Variants in RBFOX1 observed in about 807,000 individuals in gnomAD.
The protein encoded by RBFOX1 is RNA binding fox-1 homolog 1.
In RBFOX1, 8 loss-of-function variants were observed where a neutral mutation model predicts 57.7. The ratio of observed to expected loss-of-function variants is 0.14; its 90% CI spans 0.08 to 0.25. The LOEUF (loss-of-function observed/expected upper bound fraction) is 0.25, where lower values mean the gene tolerates loss of function less well. Among genes scored for constraint, RBFOX1 ranks in the 10% least tolerant of loss-of-function variants. The pLI, the probability that RBFOX1 is intolerant of heterozygous loss-of-function variation, is 1.00. For missense variants in RBFOX1, 611 were observed against 548.5 expected, an observed-to-expected ratio of 1.11 and a Z score of -1.14; for synonymous variants, 326 against 222.4, an observed-to-expected ratio of 1.47 and a Z score of -4.15.
At chr16:6,732,413 C>T (rs966166362) in intron 3 of RBFOX1, among the ~76,000 whole-genome samples, 1 of 152,210 alleles carries the variant, frequency 6.6e-6, no homozygotes, top group Non-Finnish European at 1.5e-5. Context: ...CTCTCTGGCC[C>T]AAGCACCTGC....
intron 3 of RBFOX1, among the ~76,000 whole-genome samples, chr16:5,816,229 C>G (rs534199000): frequency 1.8e-4 from 28 of 152,322 alleles, no homozygotes; most frequent in Middle Eastern, 3.4e-3. Context: ...ATTTCAGAAG[C>G]AGGCGGAATA....
intron 3 of RBFOX1, among the ~76,000 whole-genome samples, chr16:6,658,936 G>GTTTTTTTGTTTTTTTTTTTTTTTTTTTT (rs775736061): frequency 9.2e-6 from 1 of 108,486 alleles, no homozygotes; most frequent in Admixed American, 9.8e-5. Context: ...TGGTTTTTTT[G>GTTTTTTTGTTTTTTTTTTTTTTTTTTTT]TTTTTTTTGT....
chr16:7,440,062 C>G (rs1029970048), intron 4 of RBFOX1, among the ~76,000 whole-genome samples: 6 of 151,494 alleles, frequency 4.0e-5, no homozygotes, highest in African/African-American at 1.5e-4. Flanking sequence ...GGTGATCCTC[C>G]CACCTCAGCC....
intron 1 of RBFOX1, among the ~76,000 whole-genome samples, chr16:6,272,995 C>T (rs936182387): frequency 8.5e-5 from 13 of 152,174 alleles, no homozygotes; most frequent in Non-Finnish European, 1.9e-4. Context: ...TACATTGGCT[C>T]ATGCCTGTAA....
chr16:5,768,395 T>C (rs990108863), intron 3 of RBFOX1, among the ~76,000 whole-genome samples: 1 of 152,176 alleles, frequency 6.6e-6, no homozygotes, highest in Non-Finnish European at 1.5e-5. Flanking sequence ...TATTAGAAAG[T>C]CTGGTTTCAA....
chr16:7,647,547 A>G (rs908044185), intron 11 of RBFOX1, among the ~76,000 whole-genome samples: 2 of 93,934 alleles, frequency 2.1e-5, no homozygotes, highest in Admixed American at 1.1e-4. Context: ...TTGAACTAGG[A>G]AAAAAAAAAA....
intron 3 of RBFOX1, among the ~76,000 whole-genome samples, chr16:6,789,448 G>C (rs374285203): frequency 4.6e-5 from 7 of 152,136 alleles, no homozygotes; most frequent in Non-Finnish European, 8.8e-5. Flanking sequence ...GAAGGCGAGA[G>C]AAACACTAAT....
intron 3 of RBFOX1, among the ~76,000 whole-genome samples, chr16:7,032,085 G>C (rs540807327): frequency 6.6e-6 from 1 of 152,192 alleles, no homozygotes; most frequent in East Asian, 1.9e-4. Flanking sequence ...TCGGATGGCC[G>C]TAGTGTCCCC....
intron 2 of RBFOX1, among the ~76,000 whole-genome samples, chr16:5,484,933 C>A (rs983255072): frequency 1.3e-5 from 2 of 151,822 alleles, no homozygotes; most frequent in African/African-American, 4.8e-5. Flanking sequence ...GTGGCACACA[C>A]CTGTAGTCTC....
At chr16:6,552,360 T>C (rs954142446) in intron 2 of RBFOX1, among the ~76,000 whole-genome samples, 1 of 152,086 alleles carries the variant, frequency 6.6e-6, no homozygotes, top group Admixed American at 6.6e-5. Flanking sequence ...AGACTCAGGG[T>C]GAAATTGCTG....
chr16:7,137,627 G>A (rs1347649195), intron 4 of RBFOX1, among the ~76,000 whole-genome samples: 1 of 152,098 alleles, frequency 6.6e-6, no homozygotes, highest in Non-Finnish European at 1.5e-5. Context: ...CCTGAAAACG[G>A]ACTAATACAA....
At chr16:6,449,467 C>T (rs1231564495) in intron 2 of RBFOX1, among the ~76,000 whole-genome samples, 9 of 152,256 alleles carry the variant, frequency 5.9e-5, no homozygotes, top group African/African-American at 2.2e-4. Flanking sequence ...TCTGCCTAAA[C>T]GTTTGTTTTC....
intron 2 of RBFOX1, among the ~76,000 whole-genome samples, chr16:5,541,112 A>C (rs1182594985): frequency 6.6e-6 from 1 of 152,116 alleles, no homozygotes; most frequent in East Asian, 1.9e-4. Flanking sequence ...GGCCTCCCAA[A>C]GTGCTGGGAT....
chr16:5,411,669 G>A (rs953958027), intron 1 of RBFOX1, among the ~76,000 whole-genome samples: 1 of 152,114 alleles, frequency 6.6e-6, no homozygotes, highest in Admixed American at 6.5e-5. Context: ...GGAGGCCGAG[G>A]TGGGAGGATT....
At chr16:6,907,062 C>A (rs572765939) in intron 3 of RBFOX1, among the ~76,000 whole-genome samples, 1 of 152,232 alleles carries the variant, frequency 6.6e-6, no homozygotes, top group East Asian at 1.9e-4. Flanking sequence ...TGTTTATGAT[C>A]TCCATGTCAT....
At chr16:6,874,774 G>C (rs1189870045) in intron 3 of RBFOX1, among the ~76,000 whole-genome samples, 1 of 152,132 alleles carries the variant, frequency 6.6e-6, no homozygotes, top group Non-Finnish European at 1.5e-5. Context: ...TGGGACTTGA[G>C]GGGAAGGGTG....
intron 4 of RBFOX1, among the ~76,000 whole-genome samples, chr16:5,929,328 C>T (rs528797572): frequency 2.0e-5 from 3 of 152,242 alleles, no homozygotes; most frequent in East Asian, 3.9e-4. Flanking sequence ...CTCTCTCTCT[C>T]TCTCTCTCTT....
chr16:5,677,031 A>T (rs963235554), intron 3 of RBFOX1, among the ~76,000 whole-genome samples: 55 of 152,346 alleles, frequency 3.6e-4, no homozygotes, highest in African/African-American at 1.3e-3. Context: ...TTTCTTTTAG[A>T]AAATCAACTA....
At chr16:6,586,088 C>T (rs1311510151) in intron 2 of RBFOX1, among the ~76,000 whole-genome samples, 1 of 152,152 alleles carries the variant, frequency 6.6e-6, no homozygotes, top group African/African-American at 2.4e-5. Context: ...AAATGCTTCA[C>T]ATTTGTTTAT....
Sources: gnomAD v4.1 joint callset for allele counts (sites outside exome capture counted in the v4.1 genomes callset) on GRCh38, gnomAD v4.1.1 for gene constraint, MANE v1.5 for transcripts, NCBI Gene and HGNC (gene_info 2026-07-23, HGNC 2026-07-21) for gene names.